Variants in PAQR7 observed in about 807,000 individuals in gnomAD.
PAQR7 encodes progestin and adipoQ receptor family member 7.
PAQR7 carries 14 observed loss-of-function variants against 24.6 expected under a neutral mutation model. The ratio of observed to expected loss-of-function variants is 0.57; its 90% confidence interval spans 0.38 to 0.89. The LOEUF (loss-of-function observed/expected upper bound fraction) is 0.89, where lower values mean the gene tolerates loss of function less well. Ranked by LOEUF, PAQR7 falls within the 40% of genes least tolerant of loss-of-function variation. The probability of loss-of-function intolerance (pLI) is 0.00; values close to 1 mark genes in which losing one functional copy is unlikely to be tolerated. For synonymous variants in PAQR7, 189 were observed against 198.8 expected (o/e 0.95, Z 0.42); for missense variants, 351 against 444.0 (o/e 0.79, Z 1.88).
chr1:25,865,086 G>A (rs2124528837), intron 2 of PAQR7, among the ~76,000 whole-genome samples: 1 of 151,556 alleles, frequency 6.6e-6, no homozygotes, highest in South Asian at 2.1e-4. Flanking sequence ...AACCCAGGGG[G>A]CGGAGCCTGC....
chr1:25,867,150 A>T (rs186242896), intron 2 of PAQR7, among the ~76,000 whole-genome samples: 2 of 152,180 alleles, frequency 1.3e-5, no homozygotes, highest in African/African-American at 4.8e-5. Flanking sequence ...CAGCCTCCCA[A>T]GTGGCTGGGG....
chr1:25,866,146 TC>T, intron 2 of PAQR7, among the ~76,000 whole-genome samples: 2 of 151,702 alleles, frequency 1.3e-5, no homozygotes, highest in Middle Eastern at 3.4e-3. Context: ...CTCCAGGCCC[TC>T]CCCCAACTGC....
chr1:25,869,531 C>T (rs1278743256), intron 2 of PAQR7, among the ~76,000 whole-genome samples: 1 of 148,078 alleles, frequency 6.8e-6, no homozygotes, highest in Admixed American at 6.8e-5. Context: ...GAGATCGTGC[C>T]ACTGTACTCC....
chr1:25,865,561 G>A (rs556261766), intron 2 of PAQR7, among the ~76,000 whole-genome samples: 1 of 152,292 alleles, frequency 6.6e-6, no homozygotes, highest in East Asian at 1.9e-4. Flanking sequence ...TGTAATCCCA[G>A]CACTTTGGGA....
Position 25,863,861 on chromosome 1 carries a change from G to A in PAQR7, c.-22C>T, listed in dbSNP as rs778016772. 2 of 1,591,878 alleles carry A rather than the reference G, an allele frequency of 1.3e-6. No homozygotes were observed. The highest frequency in any genetic ancestry group is 2.7e-5 in the African/African-American group (2 of 74,034). On this transcript the variant is annotated splice_region_variant and 5_prime_UTR_variant, in exon 3 of 3. Transcript: ENST00000675840. This position sits in a 1 kb window ranked among gnomAD's most constrained non-coding sequence, Gnocchi z 6.1. ...CCATGGCTGTGGGCCTGGGCAGGGA[G>A]CTGGGAGAGAGACCAGAGCAAAGTC...
chr1:25,863,416 C>T lies in PAQR7; in HGVS notation c.424G>A (p.Asp142Asn), dbSNP rs1352173743. Residue 142 changes from aspartate to asparagine, a missense_variant, in exon 3 of 3, where the codon GAC becomes AAC. By Grantham distance (23) the Asp-to-Asn change is conservative. Transcript: ENST00000675840. This position sits in a 1 kb window ranked among gnomAD's most constrained non-coding sequence, Gnocchi z 6.1. ...EFWHYSFFFL[D>N]YVGVAVYQFG... Reference sequence around the variant, plus strand: ...TGGTACACGGCCACCCCCACATAGTCCAGGAAGAAGAAGCTGTAATGCCAG... The same window carrying T: ...TGGTACACGGCCACCCCCACATAGTTCAGGAAGAAGAAGCTGTAATGCCAG... 2 of 1,614,186 alleles carry T rather than the reference C, an allele frequency of 1.2e-6. No homozygotes were observed. The highest frequency in any genetic ancestry group is 1.7e-6 in the Non-Finnish European group (2 of 1,180,034).
Position 25,875,537 on chromosome 1 carries a change from T to G in PAQR7, c.-158A>C, listed in dbSNP as rs909538524. ...GCCGCGGGGGCCGGGTCGGCGGAGC[T>G]GGCAGATAAAAGAGCAGCCGGGCAG... is the stretch of plus-strand genomic sequence containing the variant. On this transcript the variant is annotated 5_prime_UTR_variant, in exon 1 of 3. Transcript: ENST00000675840. This position sits in a 1 kb window ranked among gnomAD's most constrained non-coding sequence, Gnocchi z 5.4. 3.3e-5 allele frequency among the ~76,000 whole-genome samples: 5 copies of G among 151,962 alleles called. No individual in the cohort carries two copies. The highest frequency in any genetic ancestry group is 1.2e-4 in the African/African-American group (5 of 41,414).
At chr1:25,864,018 C>T (rs1180505033) in intron 2 of PAQR7, among the ~76,000 whole-genome samples, 157 bp from the exon 3 acceptor site, 1 of 152,196 alleles carries the variant, frequency 6.6e-6, no homozygotes, top group African/African-American at 2.4e-5. Flanking sequence ...TGGAATTCCT[C>T]ATCTCTGACC....
At chr1:25,872,560 G>A (rs13376433) in intron 1 of PAQR7, among the ~76,000 whole-genome samples, 5,672 of 145,792 alleles carry the variant, frequency 0.039, 364 homozygotes, top group African/African-American at 0.14. Flanking sequence ...CTGTCCCCCA[G>A]GCTGGAGTGC....
chr1:25,869,069 G>A (rs1000344681), intron 2 of PAQR7, among the ~76,000 whole-genome samples: 1 of 152,092 alleles, frequency 6.6e-6, no homozygotes, highest in Admixed American at 6.5e-5. Flanking sequence ...GGAGGTTGCA[G>A]TGAGCCAAGA....
intron 1 of PAQR7, among the ~76,000 whole-genome samples, chr1:25,873,970 G>A (rs998740856): frequency 7.9e-5 from 12 of 151,696 alleles, no homozygotes; most frequent in Admixed American, 7.2e-4. Context: ...TGCAACCTCC[G>A]CCTCCCGGCT....
At chr1:25,868,216 C>T (rs1394911971) in intron 2 of PAQR7, among the ~76,000 whole-genome samples, 5 of 152,170 alleles carry the variant, frequency 3.3e-5, no homozygotes. Context: ...GAAAGCAGAG[C>T]CCAGAAACTG....
chr1:25,874,954 G>C (rs1413902052), intron 1 of PAQR7, among the ~76,000 whole-genome samples: 2 of 152,120 alleles, frequency 1.3e-5, no homozygotes, highest in African/African-American at 4.8e-5. Context: ...CCCTAAGTGG[G>C]ACTCCTTCAC....
intron 2 of PAQR7, among the ~76,000 whole-genome samples, chr1:25,868,816 G>A (rs7552149): frequency 6.6e-6 from 1 of 150,646 alleles, no homozygotes; most frequent in Non-Finnish European, 1.5e-5. Flanking sequence ...GATTCCTTCC[G>A]TAGTAATAAT....
intron 2 of PAQR7, among the ~76,000 whole-genome samples, chr1:25,869,066 G>T (rs2048582002): frequency 6.6e-6 from 1 of 152,082 alleles, no homozygotes; most frequent in South Asian, 2.1e-4. Flanking sequence ...GGCGGAGGTT[G>T]CAGTGAGCCA....
At chr1:25,872,957 C>CCT (rs1475258281) in intron 1 of PAQR7, among the ~76,000 whole-genome samples, 1 of 152,154 alleles carries the variant, frequency 6.6e-6, no homozygotes, top group Non-Finnish European at 1.5e-5. Context: ...CTTTCTGGGC[C>CCT]CTGATTGTTC....
rs913685860 is a variant in PAQR7 at position 25,863,263 on chromosome 1, T to C, written c.577A>G (p.Lys193Glu). The C allele has an allele frequency of 6.2e-7, 1 of 1,614,182 alleles. No homozygotes were observed. Among genetic ancestry groups the C allele is most frequent in the African/African-American group, 1.3e-5 (1 of 75,046 alleles). The change falls in exon 3 of 3, where the codon AAG (lysine) becomes GAG (glutamate). Residue 193 changes from lysine to glutamate, a missense_variant. Lys to Glu is a moderately conservative substitution (Grantham distance 56). Transcript: ENST00000675840. This position sits in a 1 kb window ranked among gnomAD's most constrained non-coding sequence, Gnocchi z 6.1. Reference protein sequence around the residue: ...WLSCIGSCYNKYIQKPGLLGR... With the variant: ...WLSCIGSCYNEYIQKPGLLGR... The stretch of plus-strand genomic sequence containing the variant: ...AGCAGGCCTGGTTTCTGGATGTACT[T>C]GTTATAGCAGGAGCCAATGCAGGAA...
At chr1:25,867,485 C>T (rs1251653318) in intron 2 of PAQR7, among the ~76,000 whole-genome samples, 1 of 152,186 alleles carries the variant, frequency 6.6e-6, no homozygotes, top group African/African-American at 2.4e-5. Flanking sequence ...TATTGAAAAA[C>T]CTGCCAGACA....
At chr1:25,868,818 A>T (rs1372865175) in intron 2 of PAQR7, among the ~76,000 whole-genome samples, 1 of 151,022 alleles carries the variant, frequency 6.6e-6, no homozygotes, top group Non-Finnish European at 1.5e-5. Flanking sequence ...TTCCTTCCGT[A>T]GTAATAATTA....
Sources: gnomAD v4.1 joint callset for allele counts (sites outside exome capture counted in the v4.1 genomes callset) on GRCh38, gnomAD v4.1.1 for gene constraint, Gnocchi (gnomAD v3.1) non-coding constraint, MANE v1.5 for transcripts, NCBI Gene and HGNC (gene_info 2026-07-23, HGNC 2026-07-21) for gene names.